PLEKHB2: variants seen among roughly 807,000 people sequenced by gnomAD.
PLEKHB2 encodes the protein pleckstrin homology domain containing B2.
Under a neutral mutation model 36.5 loss-of-function variants are expected in PLEKHB2, and 31 were observed. That is an observed-to-expected ratio of 0.85 (90% CI 0.64 to 1.15). The LOEUF is 1.15. PLEKHB2 is among the 50% of genes most tolerant of loss of function. The pLI, the probability that PLEKHB2 is intolerant of heterozygous loss-of-function variation, is 0.00. For synonymous variants in PLEKHB2, 119 were observed against 112.0 expected, an observed-to-expected ratio of 1.06 and a Z score of -0.39; for missense variants, 262 against 295.3, an observed-to-expected ratio of 0.89 and a Z score of 0.83.
Position 131,146,738 on chromosome 2 carries a change from G to A in PLEKHB2, c.634G>A (p.Gly212Ser), listed in dbSNP as rs1699328963. 3 of 1,613,728 alleles carry A rather than the reference G, an allele frequency of 1.9e-6. No homozygotes were observed. The African/African-American group carries it at 4.0e-5, about 22-fold the overall frequency. The change falls in exon 8 of 8, where the codon GGC (glycine) becomes AGC (serine). Residue 212 changes from glycine (G) to serine (S), a missense_variant. By Grantham distance (56) the Gly-to-Ser change is moderately conservative. Coordinates refer to ENST00000693505, the MANE Select transcript of PLEKHB2 (RefSeq NM_001100623.2). Reference protein sequence around the residue: ...ALGMLAGAATGMALGSLFWVF With the variant: ...ALGMLAGAATSMALGSLFWVF ...GGGCATGCTGGCAGGAGCAGCCACG[G>A]GCATGGCCTTAGGGTCTCTATTTTG...
intron 7 of PLEKHB2, among the ~76,000 whole-genome samples, chr2:131,145,389 G>A (rs1699182827): frequency 6.6e-6 from 1 of 152,082 alleles, no homozygotes; most frequent in South Asian, 2.1e-4. Flanking sequence ...TGCCCAGACT[G>A]GATTGCAGTG....
rs372602544 is a variant in PLEKHB2 at position 131,117,014 on chromosome 2, TG to T, written c.-8-3917del. On this transcript the variant is annotated intron_variant, in intron 1 of 7. Coordinates refer to ENST00000693505, the MANE Select transcript of PLEKHB2 (RefSeq NM_001100623.2). Reference sequence around the variant, plus strand: ...GGTGACACCTGTAATCGCAGCTGCTTGGGAGGCTGAGGCATGAGAATTGCTT... The same window carrying T: ...GGTGACACCTGTAATCGCAGCTGCTTGGAGGCTGAGGCATGAGAATTGCTT... Among the ~76,000 whole-genome samples, 332 of 151,968 alleles carry T rather than the reference TG, an allele frequency of 2.2e-3. 1 individual carries two copies. Among genetic ancestry groups the T allele is most frequent in the South Asian group, 3.9e-3 (19 of 4,814 alleles).
intron 1 of PLEKHB2, 63 bp from the exon 2 acceptor site, chr2:131,120,871 C>G: frequency 6.6e-7 from 1 of 1,516,952 alleles, no homozygotes. Flanking sequence ...GATAGAGACT[C>G]GGGCCGGACA....
intron 4 of PLEKHB2, among the ~76,000 whole-genome samples, chr2:131,129,838 C>A (rs1161504581): frequency 6.6e-6 from 1 of 152,070 alleles, no homozygotes; most frequent in Non-Finnish European, 1.5e-5. Context: ...ACTTAAGGTT[C>A]AGATATCTAG....
chr2:131,106,917 T>G (rs1239608192), intron 1 of PLEKHB2, among the ~76,000 whole-genome samples: 4 of 152,204 alleles, frequency 2.6e-5, no homozygotes, highest in Non-Finnish European at 5.9e-5. Flanking sequence ...AGCATTATAT[T>G]TTAAAGGCGG....
chr2:131,142,322 C>T (rs375343354), intron 7 of PLEKHB2, among the ~76,000 whole-genome samples: 88 of 152,304 alleles, frequency 5.8e-4, no homozygotes, highest in Admixed American at 1.2e-3. Context: ...AATATTTTCT[C>T]CTTATAATCA....
chr2:131,142,723 T>G (rs1361806594), intron 7 of PLEKHB2, among the ~76,000 whole-genome samples: 2 of 152,012 alleles, frequency 1.3e-5, no homozygotes, highest in Non-Finnish European at 2.9e-5. Flanking sequence ...CACACCTGGC[T>G]AACTTTGTAT....
chr2:131,138,668 C>T (rs146356270), intron 6 of PLEKHB2, among the ~76,000 whole-genome samples: 2,091 of 152,280 alleles, frequency 0.014, 51 homozygotes, highest in African/African-American at 0.048. Flanking sequence ...TGAGCCCACC[C>T]TGTCTGAGAA....
chr2:131,146,009 C>G (rs963312997), intron 7 of PLEKHB2, among the ~76,000 whole-genome samples: 1 of 151,696 alleles, frequency 6.6e-6, no homozygotes, highest in African/African-American at 2.4e-5. Context: ...GGTGAAACCC[C>G]GTCTCTACTA....
intron 7 of PLEKHB2, 122 bp downstream of exon 7, chr2:131,140,397 T>A: frequency 1.7e-6 from 1 of 601,636 alleles, no homozygotes; most frequent in Non-Finnish European, 3.0e-6. Flanking sequence ...GGTTGTAGAC[T>A]ACAAATCACT....
intron 1 of PLEKHB2, among the ~76,000 whole-genome samples, chr2:131,109,344 G>A (rs924422555): frequency 3.9e-5 from 6 of 152,114 alleles, no homozygotes; most frequent in African/African-American, 1.4e-4. Flanking sequence ...GATAATTCAG[G>A]TTATTGTTTA....
chr2:131,109,974 G>T (rs1695124840), intron 1 of PLEKHB2, among the ~76,000 whole-genome samples: 1 of 151,918 alleles, frequency 6.6e-6, no homozygotes, highest in Non-Finnish European at 1.5e-5. Flanking sequence ...AATTACCTGG[G>T]TGTGGTGGCG....
intron 1 of PLEKHB2, among the ~76,000 whole-genome samples, chr2:131,119,530 G>A (rs1175850573): frequency 1.3e-5 from 2 of 152,240 alleles, no homozygotes; most frequent in African/African-American, 4.8e-5. Flanking sequence ...TATGTGTGAT[G>A]TTGCCGCGAG....
chr2:131,132,830 G>A (rs1031780053), intron 5 of PLEKHB2, 72 bp from the exon 6 acceptor site: 10 of 822,026 alleles, frequency 1.2e-5, no homozygotes, highest in Non-Finnish European at 2.1e-5. Context: ...TAAATAAAAG[G>A]GACAATGCAC....
rs866252287 is a variant in PLEKHB2 at position 131,123,165 on chromosome 2, G to A, written c.37+2187G>A. On this transcript the variant is annotated intron_variant, in intron 2 of 7. Transcript: ENST00000693505. ...GTTCTGGTCCATGGGTGTTTCAGAA[G>A]TGTGTATTCAGACGATTTACTCTGT... 5.3e-5 allele frequency among the ~76,000 whole-genome samples: 8 copies of A among 152,332 alleles called. No homozygotes were observed. In the South Asian group the frequency reaches 1.7e-3, roughly 32 times the overall value.
Position 131,132,996 on chromosome 2 carries a change from G to T in PLEKHB2, c.423+5G>T. ...TATGCTGCACCGGCCCCTGAGGTAG[G>T]GAGAACCCTGAGCCTCCAGGTGAGG... On this transcript the variant is annotated splice_donor_5th_base_variant and intron_variant, in intron 6 of 7. Coordinates refer to ENST00000693505, the MANE Select transcript of PLEKHB2 (RefSeq NM_001100623.2). 6.2e-7 allele frequency: 1 copy of T among 1,609,026 alleles called. No homozygotes were observed. Among genetic ancestry groups the T allele is most frequent in the Non-Finnish European group, 8.5e-7 (1 of 1,175,404 alleles).
chr2:131,111,601 C>T (rs1695339010), intron 1 of PLEKHB2, among the ~76,000 whole-genome samples: 1 of 151,548 alleles, frequency 6.6e-6, no homozygotes, highest in Non-Finnish European at 1.5e-5. Context: ...CGCCATTCTC[C>T]TGCCTCAGCC....
chr2:131,116,327 G>A (rs1695868890), intron 1 of PLEKHB2, among the ~76,000 whole-genome samples: 1 of 152,120 alleles, frequency 6.6e-6, no homozygotes, highest in Non-Finnish European at 1.5e-5. Context: ...GAGAAACCCA[G>A]GCTAACCTCA....
chr2:131,138,709 G>T (rs568710885), intron 6 of PLEKHB2, among the ~76,000 whole-genome samples: 1 of 152,078 alleles, frequency 6.6e-6, no homozygotes, highest in Non-Finnish European at 1.5e-5. Flanking sequence ...TGCTTCCCCC[G>T]TAGCCTCCAC....
Sources: gnomAD v4.1 joint callset for allele counts (sites outside exome capture counted in the v4.1 genomes callset) on GRCh38, gnomAD v4.1.1 for gene constraint, MANE v1.5 for transcripts, NCBI Gene and HGNC (gene_info 2026-07-23, HGNC 2026-07-21) for gene names.